Variants in SHANK1 observed in about 807,000 individuals in gnomAD.
SHANK1 encodes the protein SH3 and multiple ankyrin repeat domains protein 1.
In SHANK1, 35 loss-of-function variants were observed where a neutral mutation model predicts 165.6. That is an observed-to-expected ratio of 0.21 (90% CI 0.16 to 0.28). The LOEUF (loss-of-function observed/expected upper bound fraction) is 0.28, where lower values mean the gene tolerates loss of function less well. SHANK1 is among the 10% of genes least tolerant of loss of function. The pLI, the probability that SHANK1 is intolerant of heterozygous loss-of-function variation, is 1.00. For synonymous variants in SHANK1, 1,428 were observed against 1,384.8 expected, an observed-to-expected ratio of 1.03 and a Z score of -0.69; for missense variants, 2,681 against 3,036.4, an observed-to-expected ratio of 0.88 and a Z score of 2.75.
chr19:50,682,097 C>T (rs1227474331), intron 21 of SHANK1, among the ~76,000 whole-genome samples: 1 of 151,142 alleles, frequency 6.6e-6, no homozygotes, highest in Non-Finnish European at 1.5e-5. Flanking sequence ...CGCTCTACTG[C>T]CAGGCTGGAG....
chr19:50,677,395 T>C (rs946702372), intron 21 of SHANK1, among the ~76,000 whole-genome samples: 2 of 152,190 alleles, frequency 1.3e-5, no homozygotes, highest in African/African-American at 4.8e-5. Context: ...CCCAAAGTGC[T>C]GGGATTACAG....
chr19:50,717,891 G>C lies in SHANK1; in HGVS notation c.-43-929C>G, dbSNP rs1019573772. Among the ~76,000 whole-genome samples the C allele has an allele frequency of 5.9e-5, 9 of 152,032 alleles. No homozygotes were observed. The highest frequency in any genetic ancestry group is 1.2e-4 in the Non-Finnish European group (8 of 67,976). On this transcript the variant is annotated intron_variant, in intron 1 of 23. Coordinates refer to ENST00000293441, the MANE Select transcript of SHANK1 (RefSeq NM_016148.5). This position sits in a 1 kb window ranked among gnomAD's most constrained non-coding sequence, Gnocchi z 5.5. ...GTGAGAGGAGGGTCTGGGGAACTGA[G>C]TGGGGGATCATCTCTAGATCCTTGC...
At chr19:50,675,160 A>C (rs1484914507) in intron 21 of SHANK1, among the ~76,000 whole-genome samples, 12 of 151,792 alleles carry the variant, frequency 7.9e-5, no homozygotes, top group Non-Finnish European at 1.5e-4. Context: ...ACCTGAGTGC[A>C]AGAGTTCAAG....
Position 50,697,063 on chromosome 19 carries a change from G to A in SHANK1, c.1964+33C>T. Reference sequence around the variant, plus strand: ...CCAGGCACCCCGTCCTTCCCCTCCTGACCCCATCCCCTCCCTGCCCCTCGC... The same window carrying A: ...CCAGGCACCCCGTCCTTCCCCTCCTAACCCCATCCCCTCCCTGCCCCTCGC... On this transcript the variant is annotated intron_variant, in intron 15 of 23. Transcript: ENST00000293441. The surrounding 1 kb of genome is among the most constrained non-coding windows in gnomAD (Gnocchi z 4.7). 1 of 1,543,110 alleles carries A rather than the reference G, an allele frequency of 6.5e-7. No individual in the cohort carries two copies. Among genetic ancestry groups the A allele is most frequent in the Non-Finnish European group, 8.9e-7 (1 of 1,127,868 alleles).
chr19:50,702,889 C>T lies in SHANK1; in HGVS notation c.1554-229G>A, dbSNP rs527616664. ...CCTGGCTTCCGGCTCTGCCCCCTCC[C>T]ACGGTCCTGCGCGCACCGCCTGATT... On this transcript the variant is annotated intron_variant, in intron 11 of 23. Transcript: ENST00000293441. This position sits in a 1 kb window ranked among gnomAD's most constrained non-coding sequence, Gnocchi z 5.3. Among the ~76,000 whole-genome samples the T allele has an allele frequency of 2.4e-3, 371 of 152,228 alleles. 1 individual carries two copies. The highest frequency in any genetic ancestry group is 8.6e-3 in the African/African-American group (357 of 41,544).
intron 21 of SHANK1, among the ~76,000 whole-genome samples, chr19:50,680,665 T>G (rs112473843): frequency 6.6e-6 from 1 of 151,518 alleles, no homozygotes; most frequent in African/African-American, 2.4e-5. Flanking sequence ...TCTTTTTTTT[T>G]TTTTCCCCGA....
intron 9 of SHANK1, 94 bp downstream of exon 9, chr19:50,704,343 G>T (rs2088911775): frequency 2.2e-6 from 3 of 1,363,952 alleles, no homozygotes; most frequent in East Asian, 2.3e-5. Context: ...CTGTCTCCTT[G>T]CTTTCCTCAT....
rs1302921587 is a variant in SHANK1, at chr19:50,688,320, T to C, written c.2173-262A>G. Among the ~76,000 whole-genome samples the C allele has an allele frequency of 1.3e-5, 2 of 152,106 alleles. No homozygotes were observed. Among genetic ancestry groups the C allele is most frequent in the African/African-American group, 4.8e-5 (2 of 41,400 alleles). On this transcript the variant is annotated intron_variant, in intron 17 of 23. Coordinates refer to ENST00000293441, the MANE Select transcript of SHANK1 (RefSeq NM_016148.5). This position sits in a 1 kb window ranked among gnomAD's most constrained non-coding sequence, Gnocchi z 6.7. ...CTTGTCCCCAGTATTTATTTATTTA[T>C]TTACTTTTATTTTTAAAAGACAGGG...
intron 8 of SHANK1, among the ~76,000 whole-genome samples, chr19:50,706,762 T>C (rs2088943100): frequency 6.6e-6 from 1 of 151,936 alleles, no homozygotes; most frequent in South Asian, 2.1e-4. Flanking sequence ...CTTGCTTTAT[T>C]TTTATTTATT....
rs1985595371 is a variant in SHANK1 at position 50,667,665 on chromosome 19, G to C, written c.4295C>G (p.Ser1432Cys). 7.9e-6 allele frequency: 11 copies of C among 1,395,938 alleles called. No individual in the cohort carries two copies. In the South Asian group the frequency reaches 1.8e-4, roughly 23 times the overall value. 86.5% of individuals were successfully genotyped at this position (1,395,938 alleles called of 1,614,324 possible). Residue 1432 changes from serine (S) to cysteine (C), a missense_variant, in exon 23 of 24, where the codon TCC (serine) becomes TGC (cysteine). Physicochemically the swap from Ser to Cys is moderately radical, Grantham distance 112. Coordinates refer to ENST00000293441, the MANE Select transcript of SHANK1 (RefSeq NM_016148.5). The surrounding 1 kb of genome is among the most constrained non-coding windows in gnomAD (Gnocchi z 5.7). Reference protein sequence around the residue: ...YRAGLGSQEKSLPASPPAARR... With the variant: ...YRAGLGSQEKCLPASPPAARR... Reference sequence around the variant, plus strand: ...GGCGGCGGGCGGGCTGGCGGGAAGGGACTTCTCCTGGCTGCCCAGCCCGGC... The same window carrying C: ...GGCGGCGGGCGGGCTGGCGGGAAGGCACTTCTCCTGGCTGCCCAGCCCGGC...
chr19:50,684,311 C>T (rs562376094), intron 21 of SHANK1, among the ~76,000 whole-genome samples: 24 of 152,220 alleles, frequency 1.6e-4, no homozygotes, highest in African/African-American at 5.3e-4. Context: ...CTGCAACCCC[C>T]GCCTCGCGGG....
At chr19:50,699,181 G>A (rs753420148) in intron 12 of SHANK1, among the ~76,000 whole-genome samples, 1 of 152,236 alleles carries the variant, frequency 6.6e-6, no homozygotes, top group African/African-American at 2.4e-5. Context: ...CAAGGGGACT[G>A]GGTTCTTGGC....
At position 50,718,499 on chromosome 19, in the gene SHANK1, G is replaced by A. The variant is rs1324328086; in HGVS notation, c.-44+907C>T. Among the ~76,000 whole-genome samples, 2 of 152,028 alleles carry A rather than the reference G, an allele frequency of 1.3e-5. No individual in the cohort carries two copies. Among genetic ancestry groups the A allele is most frequent in the African/African-American group, 4.8e-5 (2 of 41,392 alleles). ...CCCCAGCCCCCCCGGGCCGGCTCCG[G>A]CCCCTCCCCCTCAGGGCTCGCGGGA... On this transcript the variant is annotated intron_variant, in intron 1 of 23. Coordinates refer to ENST00000293441, the MANE Select transcript of SHANK1 (RefSeq NM_016148.5). The surrounding 1 kb of genome is among the most constrained non-coding windows in gnomAD (Gnocchi z 5.1).
rs1599855664 is a variant in SHANK1, at chr19:50,688,232, A to C, written c.2173-174T>G. Among the ~76,000 whole-genome samples the C allele has an allele frequency of 1.3e-5, 2 of 149,072 alleles. No homozygotes were observed. Among genetic ancestry groups the C allele is most frequent in the African/African-American group, 2.5e-5 (1 of 40,384 alleles). On this transcript the variant is annotated intron_variant, in intron 17 of 23. Transcript: ENST00000293441. The surrounding 1 kb of genome is among the most constrained non-coding windows in gnomAD (Gnocchi z 6.7). ...CCTCCCTGGGCAAGCCCCCTTTCCCACCCTCCCTGGCCCCAGGGTTGGGGG... is the reference window on the plus strand; with the variant it reads ...CCTCCCTGGGCAAGCCCCCTTTCCCCCCCTCCCTGGCCCCAGGGTTGGGGG...
chr19:50,693,656 G>A lies in SHANK1; in HGVS notation c.1964+3440C>T, dbSNP rs550202711. ...TGTGCACGGGCGCACCCCCAACCCC[G>A]CACTCAGCCCCTTCCCACGTACCCG... On this transcript the variant is annotated intron_variant, in intron 15 of 23. Transcript: ENST00000293441. Among the ~76,000 whole-genome samples, 17 of 146,290 alleles carry A rather than the reference G, an allele frequency of 1.2e-4. No homozygotes were observed. The South Asian group carries it at 3.5e-3, about 30-fold the overall frequency.
rs1985618724 is a variant in SHANK1, at chr19:50,668,020, C to T, written c.3940G>A (p.Gly1314Arg). The T allele has an allele frequency of 1.4e-6, 2 of 1,475,608 alleles. No homozygotes were observed. The highest frequency in any genetic ancestry group is 1.5e-5 in the African/African-American group (1 of 68,182). 91.4% of individuals were successfully genotyped at this position (1,475,608 alleles called of 1,614,324 possible). A position where few individuals can be genotyped will look rare whatever the true frequency, so the allele number is the denominator to read the frequency against. The change falls in exon 23 of 24, where the codon GGG becomes AGG. Residue 1314 changes from glycine (G) to arginine (R), a missense_variant. Gly to Arg is a moderately radical substitution (Grantham distance 125). This residue lies in a region of SHANK1 where 1,713 missense variants were observed against 1,630.2 expected (regional missense o/e 1.05). Transcript: ENST00000293441. ...AGSGAGYGGY[G>R]AGSRAYGGGG... The stretch of plus-strand genomic sequence containing the variant: ...CCCCCGTAGGCTCGGCTACCGGCCC[C>T]GTAGCCGCCGTAGCCCGCGCCGCTG...
intron 11 of SHANK1, among the ~76,000 whole-genome samples, chr19:50,703,239 A>G (rs2088891463): frequency 6.7e-6 from 1 of 149,348 alleles, no homozygotes; most frequent in Admixed American, 6.7e-5. Context: ...GTCTGTCCCC[A>G]GGGGCTGGGG....
Position 50,697,467 on chromosome 19 carries a change from G to A in SHANK1, c.1937+122C>T. The A allele has an allele frequency of 2.2e-6, 2 of 901,392 alleles. No individual in the cohort carries two copies. Among genetic ancestry groups the A allele is most frequent in the East Asian group, 4.8e-5 (2 of 41,572 alleles). The allele number at this position is 901,392 out of a possible 1,614,324, so 55.8% of individuals were successfully genotyped here. A position where few individuals can be genotyped will look rare whatever the true frequency, so the allele number is the denominator to read the frequency against. ...CTAATTCTGGCTTATCCCACCCCTG[G>A]ATCAAACTTGAGAAGGAACAGATTA... On this transcript the variant is annotated intron_variant, in intron 14 of 23. Transcript: ENST00000293441. This position sits in a 1 kb window ranked among gnomAD's most constrained non-coding sequence, Gnocchi z 4.7.
intron 15 of SHANK1, among the ~76,000 whole-genome samples, chr19:50,695,514 GCC>G (rs539611864): frequency 6.6e-6 from 1 of 151,196 alleles, no homozygotes; most frequent in Non-Finnish European, 1.5e-5. Flanking sequence ...TCCGGTCTGG[GCC>G]CCCCCTTAAT....
Sources: allele counts gnomAD v4.1 joint callset (sites outside exome capture counted in the v4.1 genomes callset), GRCh38; gene constraint gnomAD v4.1.1; regional missense constraint gnomAD v4.1.1; non-coding constraint Gnocchi (gnomAD v3.1); transcripts MANE v1.5; gene names NCBI Gene and HGNC (gene_info 2026-07-23, HGNC 2026-07-21).